REEP3: variants seen among roughly 807,000 people sequenced by gnomAD.
REEP3 encodes the protein receptor accessory protein 3, also known as receptor expression-enhancing protein 3.
A neutral mutation model predicts 41.3 loss-of-function variants in REEP3; 20 were observed. The ratio of observed to expected loss-of-function variants is 0.48; its 90% CI spans 0.34 to 0.70. The LOEUF (loss-of-function observed/expected upper bound fraction) is 0.70. Among genes scored for constraint, REEP3 ranks in the 30% least tolerant of loss-of-function variants. The pLI is 0.01. For missense variants in REEP3, 271 were observed against 308.8 expected (o/e 0.88, Z 0.92); for synonymous variants, 104 against 101.8 (o/e 1.02, Z -0.13).
At chr10:63,618,401 A>G (rs1956328923) in intron 6 of REEP3, among the ~76,000 whole-genome samples, 3 of 151,344 alleles carry the variant, frequency 2.0e-5, no homozygotes, top group African/African-American at 4.9e-5. Flanking sequence ...GCCTGCCTCC[A>G]TGCTTGGCTA....
At chr10:63,560,920 T>C (rs1441698533) in intron 1 of REEP3, among the ~76,000 whole-genome samples, 3 of 152,208 alleles carry the variant, frequency 2.0e-5, no homozygotes, top group Non-Finnish European at 4.4e-5. Flanking sequence ...AATAATAAAT[T>C]CTCAGTAATA....
intron 2 of REEP3, among the ~76,000 whole-genome samples, chr10:63,569,618 A>G (rs1354416831): frequency 2.0e-5 from 3 of 152,154 alleles, no homozygotes; most frequent in African/African-American, 7.2e-5. Context: ...ATAGCATAAG[A>G]AATATAAAAA....
Position 63,577,628 on chromosome 10 carries a change from T to C in REEP3, c.105+11218T>C, listed in dbSNP as rs184091159. ...TTTTCTTTTTTTCTTTTTTTTCCTT[T>C]TAAGTAGGAAAAAAAAGCTGTTCTT... On this transcript the variant is annotated intron_variant, in intron 2 of 7. Transcript: ENST00000373758. Among the ~76,000 whole-genome samples, 27 of 152,114 alleles carry C rather than the reference T, an allele frequency of 1.8e-4. No homozygotes were observed. In the East Asian group the frequency reaches 4.6e-3, roughly 26 times the overall value.
At chr10:63,538,657 C>A (rs1462901517) in intron 1 of REEP3, among the ~76,000 whole-genome samples, 2 of 152,076 alleles carry the variant, frequency 1.3e-5, no homozygotes, top group African/African-American at 2.4e-5. Flanking sequence ...TCGCTTGAAC[C>A]CAGGAAGCAG....
At chr10:63,618,654 G>C (rs955514769) in intron 6 of REEP3, among the ~76,000 whole-genome samples, 1 of 152,204 alleles carries the variant, frequency 6.6e-6, no homozygotes. Context: ...CTCAGGCAGT[G>C]GTTCTCAAAG....
intron 2 of REEP3, 86 bp downstream of exon 2, chr10:63,566,496 G>A (rs1955800789): frequency 2.6e-6 from 2 of 763,256 alleles, no homozygotes; most frequent in Non-Finnish European, 2.2e-6. Flanking sequence ...AGAAACGGCT[G>A]GAGTAGTGTT....
chr10:63,587,371 A>C (rs963813607), intron 2 of REEP3, among the ~76,000 whole-genome samples: 2 of 152,192 alleles, frequency 1.3e-5, no homozygotes, highest in Non-Finnish European at 2.9e-5. Flanking sequence ...CAGTCCGGGC[A>C]TTAGCCCTGC....
chr10:63,607,756 G>A (rs1000962706), intron 5 of REEP3, among the ~76,000 whole-genome samples: 2 of 152,180 alleles, frequency 1.3e-5, no homozygotes, highest in Non-Finnish European at 2.9e-5. Context: ...TTGCTCTGGA[G>A]GCAAAATATA....
intron 2 of REEP3, among the ~76,000 whole-genome samples, chr10:63,591,876 C>A (rs971969802): frequency 6.6e-6 from 1 of 152,294 alleles, no homozygotes; most frequent in Admixed American, 6.5e-5. Flanking sequence ...ACCCTATTAA[C>A]AAGTAAATTA....
intron 2 of REEP3, among the ~76,000 whole-genome samples, chr10:63,568,972 T>G (rs187547658): frequency 5.3e-4 from 80 of 152,274 alleles, no homozygotes; most frequent in African/African-American, 1.9e-3. Context: ...TCCCAAATTT[T>G]TTATTGCTAT....
intron 2 of REEP3, among the ~76,000 whole-genome samples, chr10:63,594,242 G>A (rs925313882): frequency 6.8e-6 from 1 of 148,012 alleles, no homozygotes; most frequent in Non-Finnish European, 1.5e-5. Context: ...AAAAAATTTA[G>A]CCAAGTGTGG....
intron 6 of REEP3, among the ~76,000 whole-genome samples, chr10:63,614,302 C>T (rs1051497322): frequency 6.6e-6 from 1 of 152,128 alleles, no homozygotes; most frequent in Non-Finnish European, 1.5e-5. Context: ...GCATAATAAG[C>T]CACCCCAAAA....
intron 5 of REEP3, chr10:63,606,095 TTTGA>T (rs1589886698): frequency 1.0e-5 from 10 of 953,202 alleles, no homozygotes; most frequent in Non-Finnish European, 1.2e-5. Flanking sequence ...TCTCTGTTAC[TTTGA>T]TTGTTAGGAT....
intron 1 of REEP3, among the ~76,000 whole-genome samples, chr10:63,565,334 T>C (rs1486241507): frequency 2.0e-5 from 3 of 152,230 alleles, no homozygotes. Flanking sequence ...TGCCATATTA[T>C]GTGAAAATAT....
intron 1 of REEP3, among the ~76,000 whole-genome samples, chr10:63,549,048 A>C (rs563896851): frequency 6.6e-6 from 1 of 152,100 alleles, no homozygotes; most frequent in Non-Finnish European, 1.5e-5. Flanking sequence ...AGGCCAAGAA[A>C]GGTAAAGAGA....
chr10:63,523,260 C>G (rs1191980629), intron 1 of REEP3, among the ~76,000 whole-genome samples: 3 of 152,200 alleles, frequency 2.0e-5, no homozygotes, highest in African/African-American at 4.8e-5. Context: ...TACACCCACT[C>G]TAATACCCAG....
At chr10:63,558,024 G>T (rs1955705448) in intron 1 of REEP3, among the ~76,000 whole-genome samples, 1 of 152,112 alleles carries the variant, frequency 6.6e-6, no homozygotes, top group Non-Finnish European at 1.5e-5. Context: ...CATATGTAGG[G>T]ATACTGACTA....
intron 1 of REEP3, among the ~76,000 whole-genome samples, chr10:63,564,443 C>T (rs1420018354): frequency 2.6e-5 from 4 of 151,726 alleles, no homozygotes; most frequent in Non-Finnish European, 4.4e-5. Context: ...GGCAACATGG[C>T]GAAATCCCAT....
chr10:63,566,220 TC>T, intron 1 of REEP3, 117 bp from the exon 2 acceptor site: 2 of 675,094 alleles, frequency 3.0e-6, no homozygotes, highest in South Asian at 3.5e-5. Context: ...TTTTACTTTT[TC>T]TGAGCGGATT....
Sources: allele counts gnomAD v4.1 joint callset (sites outside exome capture counted in the v4.1 genomes callset), GRCh38; gene constraint gnomAD v4.1.1; transcripts MANE v1.5; gene names NCBI Gene and HGNC (gene_info 2026-07-23, HGNC 2026-07-21).